DCC: variants seen among roughly 807,000 people sequenced by gnomAD.
The protein encoded by DCC is DCC netrin 1 receptor.
Under a neutral mutation model 172.5 loss-of-function variants are expected in DCC, and 58 were observed. That is an observed-to-expected ratio of 0.34 (90% CI 0.27 to 0.42). The LOEUF is 0.42. DCC is among the 10% of genes least tolerant of loss of function. The pLI, the probability that DCC is intolerant of heterozygous loss-of-function variation, is 1.00. For synonymous variants in DCC, 709 were observed against 644.5 expected, an observed-to-expected ratio of 1.10 and a Z score of -1.52; for missense variants, 1,740 against 1,791.0, an observed-to-expected ratio of 0.97 and a Z score of 0.51.
chr18:52,342,570 C>T (rs1983702709), intron 1 of DCC, among the ~76,000 whole-genome samples: 1 of 152,138 alleles, frequency 6.6e-6, no homozygotes, highest in Non-Finnish European at 1.5e-5. Context: ...TCCTTCTGCC[C>T]AGAAGATTGA....
At chr18:52,838,706 G>T (rs1438427630) in intron 2 of DCC, among the ~76,000 whole-genome samples, 1 of 152,022 alleles carries the variant, frequency 6.6e-6, no homozygotes, top group Non-Finnish European at 1.5e-5. Flanking sequence ...TTGGAGAAAT[G>T]GTTGCAACAG....
intron 7 of DCC, among the ~76,000 whole-genome samples, chr18:53,101,764 C>A (rs1298068373): frequency 2.0e-5 from 3 of 151,818 alleles, no homozygotes; most frequent in African/African-American, 7.3e-5. Context: ...TCTGGTGATT[C>A]CCTAGGACAA....
intron 10 of DCC, among the ~76,000 whole-genome samples, chr18:53,207,322 T>C (rs2055668027): frequency 6.6e-6 from 1 of 152,226 alleles, no homozygotes; most frequent in Non-Finnish European, 1.5e-5. Flanking sequence ...CTTGGTGAAT[T>C]ATTCCATTTT....
chr18:53,495,574 T>C (rs8094483), intron 26 of DCC, among the ~76,000 whole-genome samples: 3,400 of 152,202 alleles, frequency 0.022, 64 homozygotes, highest in East Asian at 0.071. Flanking sequence ...TCAACCTTGG[T>C]GAATCTGACA....
chr18:53,468,686 A>T (rs996421516), intron 25 of DCC, among the ~76,000 whole-genome samples: 5 of 152,092 alleles, frequency 3.3e-5, no homozygotes, highest in African/African-American at 1.2e-4. Context: ...CCCATCCTCC[A>T]TAGCTTTTTA....
At chr18:52,670,771 C>T (rs945366349) in intron 1 of DCC, among the ~76,000 whole-genome samples, 4 of 151,870 alleles carry the variant, frequency 2.6e-5, no homozygotes, top group East Asian at 1.9e-4. Context: ...ACCCTGGAAG[C>T]GGAGGTTGCA....
rs555840511 is a variant in DCC, at chr18:52,614,779, T to C, written c.92-137275T>C. ...TACATCTGAAAAAAAAATCTCAAAT[T>C]TCAACAGCATGATGGCATATGTGTC... On this transcript the variant is annotated intron_variant, in intron 1 of 28. Coordinates refer to ENST00000442544, the MANE Select transcript of DCC (RefSeq NM_005215.4). 2.6e-5 allele frequency among the ~76,000 whole-genome samples: 4 copies of C among 152,238 alleles called. No individual in the cohort carries two copies. In the South Asian group the frequency reaches 8.3e-4, roughly 32 times the overall value.
chr18:53,010,823 T>C (rs2041718896), intron 5 of DCC, among the ~76,000 whole-genome samples: 1 of 151,154 alleles, frequency 6.6e-6, no homozygotes, highest in Non-Finnish European at 1.5e-5. Context: ...AATAAAGACT[T>C]AGAAATTCAG....
intron 5 of DCC, among the ~76,000 whole-genome samples, chr18:52,933,767 T>C (rs757351995): frequency 6.6e-6 from 1 of 152,082 alleles, no homozygotes; most frequent in Non-Finnish European, 1.5e-5. Flanking sequence ...ACAAGTGCAG[T>C]TTTGTTACCT....
chr18:52,608,494 A>AAACGAGAGG (rs2034184359), intron 1 of DCC, among the ~76,000 whole-genome samples: 1 of 152,168 alleles, frequency 6.6e-6, no homozygotes. Context: ...ATCCACTTGG[A>AAACGAGAGG]AACGAGAGGA....
At chr18:53,267,143 T>G (rs1203397581) in intron 12 of DCC, among the ~76,000 whole-genome samples, 13 of 150,180 alleles carry the variant, frequency 8.7e-5, no homozygotes, top group African/African-American at 3.0e-4. Context: ...CATATATATA[T>G]ATATATAGAG....
intron 1 of DCC, among the ~76,000 whole-genome samples, chr18:52,448,699 A>G (rs971027231): frequency 1.1e-4 from 17 of 152,212 alleles, no homozygotes; most frequent in African/African-American, 3.9e-4. Flanking sequence ...TAACAGTAGA[A>G]TTGAGCAGAC....
At chr18:53,432,795 A>G (rs1911706574) in intron 21 of DCC, among the ~76,000 whole-genome samples, 1 of 152,000 alleles carries the variant, frequency 6.6e-6, no homozygotes, top group South Asian at 2.1e-4. Context: ...ACTTCCTGAA[A>G]TTTAAAAGAC....
At position 53,083,418 on chromosome 18, in the gene DCC, T is replaced by C. The variant is rs963350961; in HGVS notation, c.1261+17252T>C. On this transcript the variant is annotated intron_variant, in intron 7 of 28. Coordinates refer to ENST00000442544, the MANE Select transcript of DCC (RefSeq NM_005215.4). The stretch of plus-strand genomic sequence containing the variant: ...CAATATTAAAAGTGCACACTGTATG[T>C]TGTCAGTTTCCCCTACATTTTATAC... Among the ~76,000 whole-genome samples the C allele has an allele frequency of 6.6e-5, 10 of 152,150 alleles. 1 individual carries two copies. The highest frequency in any genetic ancestry group is 3.9e-4 in the Admixed American group (6 of 15,260).
intron 1 of DCC, among the ~76,000 whole-genome samples, chr18:52,387,215 G>C (rs1189406921): frequency 6.6e-6 from 1 of 152,136 alleles, no homozygotes; most frequent in Non-Finnish European, 1.5e-5. Context: ...TTAGTGCTTT[G>C]CAGCAGGTAT....
intron 2 of DCC, among the ~76,000 whole-genome samples, chr18:52,868,080 T>TAG (rs2039258599): frequency 4.0e-5 from 6 of 148,160 alleles, no homozygotes; most frequent in Admixed American, 2.0e-4. Flanking sequence ...TGTGTGTGTA[T>TAG]ATATGTGTGT....
intron 7 of DCC, among the ~76,000 whole-genome samples, chr18:53,150,528 C>T (rs1038588113): frequency 1.3e-5 from 2 of 152,160 alleles, no homozygotes; most frequent in Non-Finnish European, 2.9e-5. Context: ...AGGATCACAA[C>T]AACAATAACA....
intron 5 of DCC, among the ~76,000 whole-genome samples, chr18:52,962,282 A>C (rs1393899510): frequency 6.6e-6 from 1 of 152,116 alleles, no homozygotes; most frequent in South Asian, 2.1e-4. Context: ...ACCCCATCAA[A>C]AAGTGGGCAA....
rs73463016 is a variant in DCC, at chr18:53,241,653, C to T, written c.1911+26056C>T. Among the ~76,000 whole-genome samples, 380 of 152,238 alleles carry T rather than the reference C, an allele frequency of 2.5e-3. 1 individual carries two copies. The highest frequency in any genetic ancestry group is 8.8e-3 in the African/African-American group (364 of 41,566). The stretch of plus-strand genomic sequence containing the variant: ...TCTGCTTGAAGGCCCAGACAAAGAA[C>T]CTCTGAATGATGGTGCCTGGGCTGG... On this transcript the variant is annotated intron_variant, in intron 12 of 28. Coordinates refer to ENST00000442544, the MANE Select transcript of DCC (RefSeq NM_005215.4).
Sources: gnomAD v4.1 joint callset for allele counts (sites outside exome capture counted in the v4.1 genomes callset) on GRCh38, gnomAD v4.1.1 for gene constraint, MANE v1.5 for transcripts, NCBI Gene and HGNC (gene_info 2026-07-23, HGNC 2026-07-21) for gene names.